CCDC12: variants seen among roughly 807,000 people sequenced by gnomAD.
The protein encoded by CCDC12 is coiled-coil domain containing 12.
In CCDC12, 28 loss-of-function variants were observed where a neutral mutation model predicts 25.7. The observed-to-expected ratio is 1.09, with a 90% CI of 0.81 to 1.50. CCDC12 has a LOEUF of 1.50. Ranked by LOEUF, CCDC12 falls within the 40% of genes most tolerant of loss-of-function variation. The pLI is 0.00. For missense variants in CCDC12, 198 were observed against 210.0 expected (o/e 0.94, Z 0.35); for synonymous variants, 75 against 87.7 (o/e 0.86, Z 0.81).
intron 2 of CCDC12, 69 bp from the exon 3 acceptor site, chr3:46,925,604 C>T (rs2032919776): frequency 7.9e-7 from 1 of 1,267,470 alleles, no homozygotes; most frequent in South Asian, 1.5e-5. Flanking sequence ...TTCATTCATA[C>T]AATTTGCATA....
chr3:46,947,488 A>G (rs907053340), intron 1 of CCDC12, among the ~76,000 whole-genome samples: 3 of 152,184 alleles, frequency 2.0e-5, no homozygotes, highest in African/African-American at 7.2e-5. Context: ...AGTGATAAGA[A>G]GTGAGCTGAA....
chr3:46,940,538 A>T (rs567411253), intron 2 of CCDC12: 2 of 165,356 alleles, frequency 1.2e-5, no homozygotes, highest in Admixed American at 1.2e-4. Flanking sequence ...GAGAGGACGG[A>T]CAAAAGACTG....
intron 2 of CCDC12, among the ~76,000 whole-genome samples, chr3:46,928,920 G>A (rs893457412): frequency 3.3e-5 from 5 of 152,162 alleles, no homozygotes; most frequent in South Asian, 2.1e-4. Flanking sequence ...TGAGCCAGGC[G>A]TTCAAGGCTG....
intron 1 of CCDC12, among the ~76,000 whole-genome samples, chr3:46,961,938 C>G (rs1023435116): frequency 1.3e-5 from 2 of 152,156 alleles, no homozygotes; most frequent in African/African-American, 4.8e-5. Flanking sequence ...GAATCTTGAT[C>G]CCTACGCACA....
chr3:46,950,681 A>AT (rs1453932942), intron 1 of CCDC12, among the ~76,000 whole-genome samples: 1 of 152,152 alleles, frequency 6.6e-6, no homozygotes, highest in Non-Finnish European at 1.5e-5. Flanking sequence ...AAAGTGCTAC[A>AT]TTTTTTTGGC....
chr3:46,924,966 C>T lies in CCDC12; in HGVS notation c.244+490G>A, dbSNP rs561437566. 1.2e-4 allele frequency: 38 copies of T among 311,858 alleles called. No homozygotes were observed. The East Asian group carries it at 3.1e-3, about 25-fold the overall frequency. The allele number at this position is 311,858 out of a possible 1,614,324, so 19.3% of individuals were successfully genotyped here. ...AGAAGCTCCTGGTGGCTGTGCTGTT[C>T]CCACGCCATGGCAAGAGTCTAGGCA... is the stretch of plus-strand genomic sequence containing the variant. On this transcript the variant is annotated intron_variant, in intron 3 of 6. Transcript: ENST00000683445.
intron 2 of CCDC12, among the ~76,000 whole-genome samples, chr3:46,937,103 C>G (rs1259786035): frequency 6.6e-6 from 1 of 152,172 alleles, no homozygotes; most frequent in Non-Finnish European, 1.5e-5. Flanking sequence ...AGATGCAGAT[C>G]TGTGTAACTC....
At chr3:46,923,283 G>C in intron 5 of CCDC12, 46 bp downstream of exon 5, 1 of 1,454,628 alleles carries the variant, frequency 6.9e-7, no homozygotes, top group Non-Finnish European at 9.1e-7. Flanking sequence ...CTGGCACCAA[G>C]AGTCCCCGAG....
At chr3:46,980,451 C>A (rs1296782251), upstream of CCDC12, among the ~76,000 whole-genome samples, 1 of 152,050 alleles carries the variant, frequency 6.6e-6, no homozygotes, top group African/African-American at 2.4e-5. Context: ...CCCCCCACAC[C>A]CCAGCGAACA....
chr3:46,966,737 G>GA (rs2034653641), intron 1 of CCDC12, among the ~76,000 whole-genome samples: 1 of 152,128 alleles, frequency 6.6e-6, no homozygotes, highest in African/African-American at 2.4e-5. Flanking sequence ...TCAAGCAGTG[G>GA]AAAGGAGGCT....
chr3:46,942,976 A>G (rs1170322839), intron 1 of CCDC12, among the ~76,000 whole-genome samples: 1 of 152,114 alleles, frequency 6.6e-6, no homozygotes, highest in African/African-American at 2.4e-5. Context: ...GGAGGGGGTG[A>G]CAATGATTGC....
At position 46,953,167 on chromosome 3, in the gene CCDC12, C is replaced by A. The variant is rs76001979; in HGVS notation, c.97-12102G>T. 7.3e-4 allele frequency among the ~76,000 whole-genome samples: 111 copies of A among 152,152 alleles called. 2 individuals are homozygous for A. The East Asian group carries it at 0.021, about 28-fold the overall frequency. On this transcript the variant is annotated intron_variant, in intron 1 of 6. Coordinates refer to ENST00000683445, the MANE Select transcript of CCDC12 (RefSeq NM_001277074.2). Reference sequence around the variant, plus strand: ...ATCACAAGGAAATAAAAGAGCAATGCATGCAGAGGTGTTTAGAGCTGTGTT... The same window carrying A: ...ATCACAAGGAAATAAAAGAGCAATGAATGCAGAGGTGTTTAGAGCTGTGTT...
chr3:46,953,573 G>A (rs1006787574), intron 1 of CCDC12, among the ~76,000 whole-genome samples: 5 of 151,794 alleles, frequency 3.3e-5, no homozygotes, highest in Admixed American at 6.6e-5. Flanking sequence ...TGGCTAAATG[G>A]GGAAGCAGGA....
At chr3:46,926,896 C>A (rs1251035184) in intron 2 of CCDC12, among the ~76,000 whole-genome samples, 2 of 152,142 alleles carry the variant, frequency 1.3e-5, no homozygotes, top group East Asian at 3.9e-4. Context: ...CTGTCTGGAC[C>A]AGGTAAAAGT....
intron 1 of CCDC12, among the ~76,000 whole-genome samples, chr3:46,960,856 T>G (rs1207294394): frequency 1.4e-5 from 2 of 146,030 alleles, no homozygotes; most frequent in Non-Finnish European, 3.0e-5. Flanking sequence ...AGGCAAATTG[T>G]GGGTATGGAG....
chr3:46,955,469 C>A (rs550994590), intron 1 of CCDC12, among the ~76,000 whole-genome samples: 82 of 152,198 alleles, frequency 5.4e-4, no homozygotes, highest in Middle Eastern at 3.4e-3. Flanking sequence ...CCCGAGAACA[C>A]CTGGAAGGCC....
intron 1 of CCDC12, among the ~76,000 whole-genome samples, chr3:46,948,725 G>C (rs1038740409): frequency 6.6e-6 from 1 of 152,230 alleles, no homozygotes; most frequent in Non-Finnish European, 1.5e-5. Context: ...GCACCTCAAG[G>C]GCCAGGCCAC....
intron 2 of CCDC12, among the ~76,000 whole-genome samples, chr3:46,939,921 G>C (rs921287307): frequency 6.6e-6 from 1 of 152,074 alleles, no homozygotes; most frequent in African/African-American, 2.4e-5. Context: ...TTCCTCTAAA[G>C]AGCATTCCCT....
intron 2 of CCDC12, among the ~76,000 whole-genome samples, chr3:46,931,648 A>T (rs550303399): frequency 6.6e-6 from 1 of 152,298 alleles, no homozygotes; most frequent in East Asian, 1.9e-4. Context: ...GGACAGTCCC[A>T]CATGGCCTGT....
Sources: gnomAD v4.1 joint callset for allele counts (sites outside exome capture counted in the v4.1 genomes callset) on GRCh38, gnomAD v4.1.1 for gene constraint, MANE v1.5 for transcripts, NCBI Gene and HGNC (gene_info 2026-07-23, HGNC 2026-07-21) for gene names.